Variants in LMO7 observed in about 807,000 individuals in gnomAD.
The protein encoded by LMO7 is LIM domain 7.
LMO7 carries 120 observed loss-of-function variants against 206.5 expected under a neutral mutation model. The observed-to-expected ratio is 0.58, with a 90% CI of 0.50 to 0.68. The LOEUF is 0.68. LMO7 is among the 30% of genes least tolerant of loss of function. The pLI, the probability that LMO7 is intolerant of heterozygous loss-of-function variation, is 0.00. For missense variants in LMO7, 1,959 were observed against 1,957.9 expected (o/e 1.00, Z -0.01); for synonymous variants, 706 against 681.5 (o/e 1.04, Z -0.56).
chr13:75,832,454 C>T (rs992460697), intron 15 of LMO7, among the ~76,000 whole-genome samples: 6 of 152,164 alleles, frequency 3.9e-5, no homozygotes, highest in African/African-American at 1.4e-4. Flanking sequence ...CATAGTTCTG[C>T]ATTTTGCAGC....
chr13:75,633,997 AT>A (rs3036384), upstream of LMO7, among the ~76,000 whole-genome samples: 17,890 of 141,106 alleles, frequency 0.13, 1,689 homozygotes, highest in East Asian at 0.3. Context: ...CGTCCAGCTA[AT>A]TTTTTTTTTT....
chr13:75,675,285 G>C (rs938567318), intron 1 of LMO7, among the ~76,000 whole-genome samples: 2 of 151,780 alleles, frequency 1.3e-5, no homozygotes, highest in African/African-American at 2.4e-5. Flanking sequence ...TGTTGGCCAG[G>C]CTGGTCTCAA....
At chr13:75,807,360 A>G in intron 9 of LMO7, 120 bp from the exon 10 acceptor site, 2 of 1,009,756 alleles carry the variant, frequency 2.0e-6, no homozygotes, top group African/African-American at 1.6e-5. Context: ...CTCTAAAATG[A>G]TTTACCCTCA....
intron 11 of LMO7, among the ~76,000 whole-genome samples, chr13:75,809,775 T>C (rs2056066167): frequency 1.3e-5 from 2 of 151,922 alleles, no homozygotes; most frequent in South Asian, 4.1e-4. Context: ...AAATAGACCT[T>C]CAAAAACTGC....
chr13:75,807,441 T>G (rs1029397895), intron 9 of LMO7, 39 bp from the exon 10 acceptor site: 5 of 1,597,562 alleles, frequency 3.1e-6, no homozygotes, highest in Non-Finnish European at 3.4e-6. Flanking sequence ...TCCCTAAGCT[T>G]AATAAGATTC....
intron 5 of LMO7, 45 bp from the exon 6 acceptor site, chr13:75,796,591 G>C: frequency 8.6e-7 from 1 of 1,160,250 alleles, no homozygotes; most frequent in Non-Finnish European, 1.3e-6. Flanking sequence ...GCAATTGGTT[G>C]CTAATCGACT....
At chr13:75,765,198 A>T (rs2048689656) in intron 4 of LMO7, among the ~76,000 whole-genome samples, 1 of 152,134 alleles carries the variant, frequency 6.6e-6, no homozygotes. Flanking sequence ...CAGTCTGCCA[A>T]ATTGGGCTTG....
At chr13:75,643,992 A>G (rs1253857351) in intron 1 of LMO7, among the ~76,000 whole-genome samples, 1 of 152,164 alleles carries the variant, frequency 6.6e-6, no homozygotes, top group Non-Finnish European at 1.5e-5. Context: ...AGATTAGGAA[A>G]TTTTTGTATG....
chr13:75,755,346 T>C (rs890175382), intron 3 of LMO7, among the ~76,000 whole-genome samples: 3 of 152,194 alleles, frequency 2.0e-5, no homozygotes, highest in Non-Finnish European at 4.4e-5. Context: ...TCTCTTGTTG[T>C]TTTCTCTCCC....
chr13:75,713,896 A>G (rs1006591796), intron 2 of LMO7, among the ~76,000 whole-genome samples: 3 of 152,222 alleles, frequency 2.0e-5, no homozygotes, highest in Non-Finnish European at 4.4e-5. Flanking sequence ...AAGTATATGA[A>G]CTTTGGGAAT....
At chr13:75,759,472 G>A (rs1265904727) in intron 3 of LMO7, among the ~76,000 whole-genome samples, 1 of 152,112 alleles carries the variant, frequency 6.6e-6, no homozygotes, top group Admixed American at 6.6e-5. Context: ...CCAATAAATT[G>A]TGTCTCCTTT....
Position 75,807,920 on chromosome 13 carries a change from C to T in LMO7, c.1637C>T (p.Pro546Leu), listed in dbSNP as rs201958058. The part of the protein sequence containing the change: ...DRYHPVPFPE[P>L]WTLPPEIQAK... Reference sequence around the variant, plus strand: ...TACCACCCAGTCCCTTTTCCCGAACCCTGGACTCTTCCTCCAGAAATTCAA... The same window carrying T: ...TACCACCCAGTCCCTTTTCCCGAACTCTGGACTCTTCCTCCAGAAATTCAA... Residue 546 changes from proline (P) to leucine (L), a missense_variant, in exon 10 of 31, where the codon CCC (proline) becomes CTC (leucine). By Grantham distance (98) the Pro-to-Leu change is moderately conservative (BLOSUM62 -3). Coordinates refer to ENST00000377534, the MANE Select transcript of LMO7 (RefSeq NM_001306080.2). 1,213 of 1,613,804 alleles carry T rather than the reference C, an allele frequency of 7.5e-4. 2 individuals are homozygous for T. The highest frequency in any genetic ancestry group is 8.7e-4 in the Non-Finnish European group (1,026 of 1,179,896).
At chr13:75,730,858 C>A (rs1374366479) in intron 3 of LMO7, among the ~76,000 whole-genome samples, 24 of 139,572 alleles carry the variant, frequency 1.7e-4, no homozygotes, top group African/African-American at 3.7e-4. Flanking sequence ...CAAAGAACAT[C>A]TTTATTTCTG....
intron 2 of LMO7, among the ~76,000 whole-genome samples, chr13:75,723,664 A>AT (rs2044222305): frequency 6.6e-6 from 1 of 152,180 alleles, no homozygotes; most frequent in Non-Finnish European, 1.5e-5. Context: ...AGTGGGTTAT[A>AT]TTCACTGACA....
intron 1 of LMO7, among the ~76,000 whole-genome samples, chr13:75,704,839 A>G (rs2042537174): frequency 6.6e-6 from 1 of 152,200 alleles, no homozygotes; most frequent in Non-Finnish European, 1.5e-5. Flanking sequence ...TTAAAATAAA[A>G]CCATGACCAA....
chr13:75,745,194 T>G (rs2046737222), intron 3 of LMO7, among the ~76,000 whole-genome samples: 1 of 151,402 alleles, frequency 6.6e-6, no homozygotes, highest in Non-Finnish European at 1.5e-5. Flanking sequence ...GCAAGGAGAG[T>G]CCTGAGGGTC....
At chr13:75,639,576 A>G (rs888762156) in intron 1 of LMO7, among the ~76,000 whole-genome samples, 4 of 152,192 alleles carry the variant, frequency 2.6e-5, no homozygotes, top group African/African-American at 9.7e-5. Context: ...GGTGGAAAAT[A>G]CAGCCTGGAC....
intron 3 of LMO7, among the ~76,000 whole-genome samples, chr13:75,740,997 C>T (rs760907429): frequency 6.6e-6 from 1 of 152,158 alleles, no homozygotes; most frequent in Non-Finnish European, 1.5e-5. Flanking sequence ...TCTGTTGCAT[C>T]AGACCTTGGT....
intron 1 of LMO7, among the ~76,000 whole-genome samples, chr13:75,666,070 A>G (rs1333912003): frequency 6.6e-6 from 1 of 152,236 alleles, no homozygotes; most frequent in East Asian, 1.9e-4. Flanking sequence ...TTCTGACTGC[A>G]CTTGGAGTCA....
Sources: allele counts gnomAD v4.1 joint callset (sites outside exome capture counted in the v4.1 genomes callset), GRCh38; gene constraint gnomAD v4.1.1; transcripts MANE v1.5; gene names NCBI Gene and HGNC (gene_info 2026-07-23, HGNC 2026-07-21).